BST1: variants seen among roughly 807,000 people sequenced by gnomAD.
The protein encoded by BST1 is bone marrow stromal cell antigen 1, also known as ADP-ribosyl cyclase/cyclic ADP-ribose hydrolase 2.
In BST1, 49 loss-of-function variants were observed where a neutral mutation model predicts 40.6. The ratio of observed to expected loss-of-function variants is 1.21; its 90% confidence interval spans 0.96 to 1.53. The LOEUF (loss-of-function observed/expected upper bound fraction) is 1.53, where lower values mean the gene tolerates loss of function less well. Ranked by LOEUF, BST1 falls within the 40% of genes most tolerant of loss-of-function variation. The pLI is 0.00. For missense variants in BST1, 423 were observed against 395.9 expected, an observed-to-expected ratio of 1.07 and a Z score of -0.58; for synonymous variants, 157 against 159.3, an observed-to-expected ratio of 0.99 and a Z score of 0.11.
intron 1 of BST1, 147 bp downstream of exon 1, chr4:15,703,479 T>G: frequency 1.5e-6 from 2 of 1,305,466 alleles, no homozygotes; most frequent in Non-Finnish European, 2.0e-6. Context: ...ACAGCGATGG[T>G]CCTGAACGAT....
intron 7 of BST1, among the ~76,000 whole-genome samples, chr4:15,720,706 G>A (rs1162226118): frequency 1.3e-5 from 2 of 152,044 alleles, no homozygotes; most frequent in African/African-American, 4.8e-5. Context: ...TGGGAGGATT[G>A]CTTGAGCCCA....
At chr4:15,719,048 G>A in intron 7 of BST1, 55 bp downstream of exon 7, 1 of 1,523,952 alleles carries the variant, frequency 6.6e-7, no homozygotes, top group South Asian at 1.2e-5. Context: ...GATTTTGGAG[G>A]AGGTGGGCTG....
intron 3 of BST1, among the ~76,000 whole-genome samples, chr4:15,711,129 C>T (rs1051769636): frequency 1.3e-5 from 2 of 152,082 alleles, no homozygotes; most frequent in Non-Finnish European, 2.9e-5. Flanking sequence ...CAGATTGATT[C>T]CATATCTTGG....
chr4:15,741,318 T>C (rs1223599282), downstream of BST1, among the ~76,000 whole-genome samples: 3 of 152,114 alleles, frequency 2.0e-5, no homozygotes, highest in African/African-American at 7.2e-5. Context: ...GAGTAAAACA[T>C]GGCCCGAGAA....
At chr4:15,731,708 G>T in intron 8 of BST1, 32 bp from the exon 9 acceptor site, 1 of 1,594,290 alleles carries the variant, frequency 6.3e-7, no homozygotes, top group Non-Finnish European at 8.6e-7. Flanking sequence ...CACCAATACT[G>T]ACACTTTCTC....
chr4:15,752,481 C>G, the BST1 span, among the ~76,000 whole-genome samples: 1 of 151,768 alleles, frequency 6.6e-6, no homozygotes, highest in Non-Finnish European at 1.5e-5. Context: ...CCCCGCCTCC[C>G]GGGTTCCAGT....
chr4:15,753,925 A>T, the BST1 span, among the ~76,000 whole-genome samples: 1 of 152,108 alleles, frequency 6.6e-6, no homozygotes, highest in African/African-American at 2.4e-5. Context: ...CTGTCAAGGA[A>T]CCCAGTGGCC....
intron 6 of BST1, among the ~76,000 whole-genome samples, chr4:15,717,883 G>A (rs538052511): frequency 5.3e-5 from 8 of 152,312 alleles, no homozygotes; most frequent in African/African-American, 1.7e-4. Flanking sequence ...AAGAGCACTT[G>A]TGCAGTTCTG....
chr4:15,748,562 T>C, the BST1 span, among the ~76,000 whole-genome samples: 2 of 152,244 alleles, frequency 1.3e-5, no homozygotes, highest in Non-Finnish European at 2.9e-5. Flanking sequence ...GAAGGATATC[T>C]GCCAGGGCTG....
downstream of BST1, among the ~76,000 whole-genome samples, chr4:15,739,604 C>G (rs1721689312): frequency 1.5e-5 from 2 of 136,052 alleles, no homozygotes; most frequent in African/African-American, 5.2e-5. Context: ...TATTTCTCCC[C>G]TGCACAAAAG....
At position 15,711,880 on chromosome 4, in the gene BST1, A is replaced by T. The variant is rs1410632531; in HGVS notation, c.525A>T (p.Ala175=). 6.2e-7 allele frequency: 1 copy of T among 1,613,424 alleles called. No individual in the cohort carries two copies. The highest frequency in any genetic ancestry group is 1.3e-5 in the African/African-American group (1 of 74,926). The change falls in exon 4 of 9, where the codon GCA becomes GCT. Residue 175 remains alanine, a synonymous_variant. Coordinates refer to ENST00000265016, the MANE Select transcript of BST1 (RefSeq NM_004334.3). The part of the protein sequence containing the change: ...NNPVDSFWKR[A]SIQYSKDSSG... ...CTGTGGATTCCTTTTGGAAAAGGGC[A>T]TCCATCCAGGTAATGCTGGGATGAT...
chr4:15,723,743 A>C, intron 8 of BST1: 5 of 550,868 alleles, frequency 9.1e-6, no homozygotes, highest in Non-Finnish European at 1.2e-5. Flanking sequence ...GTGTATTTTA[A>C]ATTTTGATAT....
In BST1 at chr4:15,732,208, C is replaced by T; in HGVS notation, c.*363C>T. 3.6e-6 allele frequency: 3 copies of T among 832,688 alleles called. No individual in the cohort carries two copies. The highest frequency in any genetic ancestry group is 4.4e-6 in the Non-Finnish European group (3 of 675,820). The allele number at this position is 832,688 out of a possible 1,614,324, so 51.6% of individuals were successfully genotyped here. On this transcript the variant is annotated 3_prime_UTR_variant, in exon 9 of 9. Coordinates refer to ENST00000265016, the MANE Select transcript of BST1 (RefSeq NM_004334.3). ...TCCTATATCTCCAGCAGCACGGACA[C>T]TGCATGCTTGTTGATTGCTTAAGAC...
At chr4:15,723,003 C>A in intron 8 of BST1, 69 bp downstream of exon 8, 1 of 1,418,676 alleles carries the variant, frequency 7.0e-7, no homozygotes, top group Non-Finnish European at 1.0e-6. Context: ...GTTTTCAGTT[C>A]ACAAACATGA....
In BST1 at chr4:15,732,173, A is replaced by C. The variant is rs1721401782; in HGVS notation, c.*328A>C. 2 of 1,063,410 alleles carry C rather than the reference A, an allele frequency of 1.9e-6. No individual in the cohort carries two copies. The highest frequency in any genetic ancestry group is 3.4e-5 in the African/African-American group (2 of 59,494). 65.9% of individuals were successfully genotyped at this position (1,063,410 alleles called of 1,614,324 possible). A position where few individuals can be genotyped will look rare whatever the true frequency, so the allele number is the denominator to read the frequency against. On this transcript the variant is annotated 3_prime_UTR_variant, in exon 9 of 9. Coordinates refer to ENST00000265016, the MANE Select transcript of BST1 (RefSeq NM_004334.3). ...TTCTAATAAAGCTGTATTTTACATCATCTATATTTTCCTATATCTCCAGCA... is the reference window on the plus strand; with the variant it reads ...TTCTAATAAAGCTGTATTTTACATCCTCTATATTTTCCTATATCTCCAGCA...
At chr4:15,766,611 T>C in the BST1 span, among the ~76,000 whole-genome samples, 109 of 151,918 alleles carry the variant, frequency 7.2e-4, 1 homozygote, top group Middle Eastern at 0.01. Context: ...GGAGAAATCA[T>C]GCAGCTGTCT....
chr4:15,747,155 T>C, the BST1 span, among the ~76,000 whole-genome samples: 1 of 152,190 alleles, frequency 6.6e-6, no homozygotes, highest in Non-Finnish European at 1.5e-5. Context: ...CAGACTGTGA[T>C]CGTCCATTGT....
the BST1 span, among the ~76,000 whole-genome samples, chr4:15,756,069 A>G: frequency 6.6e-6 from 1 of 152,220 alleles, no homozygotes; most frequent in Non-Finnish European, 1.5e-5. Context: ...CTAGATCTTC[A>G]TTTTGAAAAT....
Position 15,726,755 on chromosome 4 carries a change from C to T in BST1, c.851+3821C>T, listed in dbSNP as rs530309440. On this transcript the variant is annotated intron_variant, in intron 8 of 8. Coordinates refer to ENST00000265016, the MANE Select transcript of BST1 (RefSeq NM_004334.3). ...TTGTAAAACCCACTGCACCCTACAC[C>T]ACCATTCCTGAAATGGGCAAATGGT... Among the ~76,000 whole-genome samples, 6 of 152,284 alleles carry T rather than the reference C, an allele frequency of 3.9e-5. No homozygotes were observed. In the South Asian group the frequency reaches 1.2e-3, roughly 32 times the overall value.
Sources: allele counts gnomAD v4.1 joint callset (sites outside exome capture counted in the v4.1 genomes callset), GRCh38; gene constraint gnomAD v4.1.1; transcripts MANE v1.5; gene names NCBI Gene and HGNC (gene_info 2026-07-23, HGNC 2026-07-21).